The following CREB5 variants were observed in gnomAD, a reference collection of about 807,000 sequenced individuals.
CREB5 encodes cyclic AMP-responsive element-binding protein 5.
Under a neutral mutation model 57.1 loss-of-function variants are expected in CREB5, and 19 were observed. That is an observed-to-expected ratio of 0.33 (90% CI 0.23 to 0.49). The LOEUF (loss-of-function observed/expected upper bound fraction) is 0.49. Among genes scored for constraint, CREB5 ranks in the 20% least tolerant of loss-of-function variants. The pLI is 0.99. For synonymous variants in CREB5, 238 were observed against 238.3 expected, an observed-to-expected ratio of 1.00 and a Z score of 0.01; for missense variants, 579 against 671.6, an observed-to-expected ratio of 0.86 and a Z score of 1.52.
At chr7:28,337,511 C>A (rs1355346807) in intron 1 of CREB5, among the ~76,000 whole-genome samples, 1 of 147,996 alleles carries the variant, frequency 6.8e-6, no homozygotes, top group Non-Finnish European at 1.5e-5. Flanking sequence ...ATAAGTATAG[C>A]TTATCCTGCT....
intron 4 of CREB5, among the ~76,000 whole-genome samples, chr7:28,541,139 A>G (rs778582580): frequency 6.6e-6 from 1 of 152,226 alleles, no homozygotes; most frequent in Non-Finnish European, 1.5e-5. Flanking sequence ...GCTTGCAAAA[A>G]CATGATACAG....
At chr7:28,551,941 CTCT>C (rs1446757481) in intron 4 of CREB5, among the ~76,000 whole-genome samples, 1 of 114,938 alleles carries the variant, frequency 8.7e-6, no homozygotes, top group Non-Finnish European at 1.8e-5. Context: ...TCTTTTTTCT[CTCT>C]TTTTTATTCT....
intron 1 of CREB5, among the ~76,000 whole-genome samples, chr7:28,403,222 A>G (rs1235852291): frequency 6.6e-6 from 1 of 152,204 alleles, no homozygotes; most frequent in Non-Finnish European, 1.5e-5. Context: ...CAGCTGGCTT[A>G]TGCTAAGACT....
intron 2 of CREB5, among the ~76,000 whole-genome samples, chr7:28,489,705 C>T (rs1562752397): frequency 6.6e-6 from 1 of 152,140 alleles, no homozygotes; most frequent in African/African-American, 2.4e-5. Flanking sequence ...GTGTTATCAA[C>T]CACTAACTGA....
intron 5 of CREB5, among the ~76,000 whole-genome samples, chr7:28,624,697 T>C (rs1336636518): frequency 7.5e-6 from 1 of 132,572 alleles, no homozygotes; most frequent in African/African-American, 2.7e-5. Context: ...AAAAAAACAA[T>C]CTTGAAGAAC....
intron 5 of CREB5, among the ~76,000 whole-genome samples, chr7:28,714,333 T>TG (rs1481365929): frequency 6.6e-6 from 1 of 151,832 alleles, no homozygotes; most frequent in Non-Finnish European, 1.5e-5. Context: ...CTAACCTACT[T>TG]TTTTTTTGCA....
At chr7:28,511,392 A>C (rs2128609132) in intron 4 of CREB5, among the ~76,000 whole-genome samples, 1 of 152,304 alleles carries the variant, frequency 6.6e-6, no homozygotes, top group East Asian at 1.9e-4. Flanking sequence ...CGGGTGTAAT[A>C]AGGCTAGAGA....
At chr7:28,577,045 A>C (rs1795934975) in intron 5 of CREB5, among the ~76,000 whole-genome samples, 1 of 152,258 alleles carries the variant, frequency 6.6e-6, no homozygotes, top group Admixed American at 6.5e-5. Flanking sequence ...ATGGCAAGTC[A>C]GAGGGGAGTC....
chr7:28,725,109 A>C (rs1425154779), intron 7 of CREB5, among the ~76,000 whole-genome samples: 2 of 152,206 alleles, frequency 1.3e-5, no homozygotes, highest in African/African-American at 2.4e-5. Context: ...TGCAAAATAC[A>C]CTGCAGCAAA....
intron 5 of CREB5, among the ~76,000 whole-genome samples, chr7:28,707,957 T>C (rs1278018684): frequency 1.3e-5 from 2 of 152,122 alleles, no homozygotes; most frequent in Admixed American, 1.3e-4. Context: ...CCTTCCGGCT[T>C]TTTAGTATTT....
chr7:28,560,877 T>TGTGTGTGC (rs1554344364), intron 4 of CREB5, among the ~76,000 whole-genome samples: 1 of 30,860 alleles, frequency 3.2e-5, no homozygotes, highest in Non-Finnish European at 5.7e-5. Flanking sequence ...TGCGTGCGCG[T>TGTGTGTGC]GCGTGCGTGC....
chr7:28,613,774 C>T (rs1041980193), intron 5 of CREB5, among the ~76,000 whole-genome samples: 1 of 152,068 alleles, frequency 6.6e-6, no homozygotes, highest in Non-Finnish European at 1.5e-5. Flanking sequence ...AGTAAATGGC[C>T]TCCGCGGTAA....
intron 5 of CREB5, among the ~76,000 whole-genome samples, chr7:28,593,596 T>A (rs982811543): frequency 6.6e-6 from 1 of 152,218 alleles, no homozygotes; most frequent in Non-Finnish European, 1.5e-5. Flanking sequence ...GAAGAATGGT[T>A]GGTGTGCTCC....
At chr7:28,591,944 T>C (rs1315806530) in intron 5 of CREB5, among the ~76,000 whole-genome samples, 2 of 151,996 alleles carry the variant, frequency 1.3e-5, no homozygotes, top group East Asian at 3.9e-4. Context: ...TCCAATTGAA[T>C]TGAATTTGGA....
chr7:28,407,593 T>G (rs1787611228), upstream of CREB5, among the ~76,000 whole-genome samples: 1 of 152,230 alleles, frequency 6.6e-6, no homozygotes, highest in South Asian at 2.1e-4. Flanking sequence ...AATCTCAGTC[T>G]GTAATATGAC....
chr7:28,794,277 G>A (rs929515129), intron 7 of CREB5, among the ~76,000 whole-genome samples: 1 of 152,192 alleles, frequency 6.6e-6, no homozygotes, highest in Non-Finnish European at 1.5e-5. Context: ...GACTTTAGAG[G>A]TGAGTAGTGT....
At chr7:28,818,991 G>T in intron 10 of CREB5, 125 bp from the exon 11 acceptor site, 1 of 1,125,418 alleles carries the variant, frequency 8.9e-7, no homozygotes, top group Non-Finnish European at 1.3e-6. Context: ...AGAAGAAAAT[G>T]TGTGAAACTT....
At chr7:28,316,411 AG>A (rs1785381839) in intron 1 of CREB5, among the ~76,000 whole-genome samples, 1 of 152,222 alleles carries the variant, frequency 6.6e-6, no homozygotes, top group Non-Finnish European at 1.5e-5. Flanking sequence ...AGGATGTGTC[AG>A]TAATAAATAG....
chr7:28,560,841 T>TGCGCGCGTGC (rs1562797105), intron 4 of CREB5, among the ~76,000 whole-genome samples: 1 of 75,062 alleles, frequency 1.3e-5, no homozygotes, highest in African/African-American at 4.9e-5. Context: ...CGCGTGTGTG[T>TGCGCGCGTGC]GTGCGCGTGT....
Sources: allele counts gnomAD v4.1 joint callset (sites outside exome capture counted in the v4.1 genomes callset), GRCh38; gene constraint gnomAD v4.1.1; transcripts MANE v1.5; gene names NCBI Gene and HGNC (gene_info 2026-07-23, HGNC 2026-07-21).